The following THSD1 variants were observed in gnomAD, a reference collection of about 807,000 sequenced individuals.
THSD1 encodes the protein thrombospondin type-1 domain-containing protein 1.
Under a neutral mutation model 46.3 loss-of-function variants are expected in THSD1, and 34 were observed. The observed-to-expected ratio is 0.74, with a 90% CI of 0.56 to 0.98. The LOEUF is 0.98. Ranked by LOEUF, THSD1 falls within the 50% of genes least tolerant of loss-of-function variation. The probability of loss-of-function intolerance (pLI) is 0.00; values close to 1 mark genes in which losing one functional copy is unlikely to be tolerated. For missense variants in THSD1, 1,023 were observed against 1,058.3 expected, an observed-to-expected ratio of 0.97 and a Z score of 0.46; for synonymous variants, 407 against 416.5, an observed-to-expected ratio of 0.98 and a Z score of 0.28.
intron 2 of THSD1, among the ~76,000 whole-genome samples, chr13:52,401,251 G>A (rs1298523374): frequency 6.6e-6 from 1 of 152,018 alleles, no homozygotes; most frequent in East Asian, 1.9e-4. Flanking sequence ...GGGATTACAG[G>A]CGTGAGCCAC....
intron 4 of THSD1, among the ~76,000 whole-genome samples, chr13:52,383,837 G>A (rs982900649): frequency 1.3e-5 from 2 of 152,200 alleles, no homozygotes; most frequent in Non-Finnish European, 2.9e-5. Context: ...AGTAGGGGCA[G>A]GCAAGTCTGT....
intron 3 of THSD1, among the ~76,000 whole-genome samples, chr13:52,393,020 T>C (rs140610936): frequency 5.3e-5 from 8 of 152,112 alleles, no homozygotes; most frequent in African/African-American, 1.9e-4. Flanking sequence ...CTAAAAGCTT[T>C]GTACTGTTTA....
intron 3 of THSD1, among the ~76,000 whole-genome samples, chr13:52,391,822 C>T (rs1213417796): frequency 6.6e-6 from 1 of 151,822 alleles, no homozygotes; most frequent in Admixed American, 6.6e-5. Flanking sequence ...GGATTACAGG[C>T]GTGAGCCACC....
chr13:52,378,208 T>G lies in THSD1; in HGVS notation c.1762A>C (p.Lys588Gln). The G allele has an allele frequency of 6.2e-7, 1 of 1,614,216 alleles. No individual in the cohort carries two copies. The highest frequency in any genetic ancestry group is 1.1e-5 in the South Asian group (1 of 91,086). Residue 588 changes from lysine to glutamine, a missense_variant, in exon 5 of 5, where the codon AAA becomes CAA. By Grantham distance (53) the Lys-to-Gln change is moderately conservative. This residue lies in a region of THSD1 where 578 missense variants were observed against 497.4 expected (regional missense o/e 1.16). Transcript: ENST00000258613. ...GCGGGCTGCTCCGGAAATGGGGATT[T>G]GATCCGGAACTTGTTTGCTGCAGCT... is the stretch of plus-strand genomic sequence containing the variant. ...EEAAANKFRI[K>Q]SPFPEQPAVS...
intron 4 of THSD1, among the ~76,000 whole-genome samples, chr13:52,384,768 G>A (rs1366919812): frequency 6.6e-6 from 1 of 152,060 alleles, no homozygotes; most frequent in Non-Finnish European, 1.5e-5. Context: ...TTTGAGGGAA[G>A]TTATACACAA....
intron 1 of THSD1, 85 bp from the exon 2 acceptor site, chr13:52,402,766 A>T (rs557596370): frequency 7.1e-7 from 1 of 1,404,740 alleles, no homozygotes; most frequent in African/African-American, 1.4e-5. Context: ...CCATTCTAAA[A>T]CTCAAACTTT....
chr13:52,395,062 G>A (rs1297039253), intron 3 of THSD1, among the ~76,000 whole-genome samples: 1 of 152,144 alleles, frequency 6.6e-6, no homozygotes, highest in Non-Finnish European at 1.5e-5. Flanking sequence ...GTGCAGAGAT[G>A]GTGACTGCAG....
At chr13:52,402,237 CACTT>C (rs1322885545) in intron 2 of THSD1, among the ~76,000 whole-genome samples, 1 of 152,204 alleles carries the variant, frequency 6.6e-6, no homozygotes, top group African/African-American at 2.4e-5. Context: ...TGATTTATCA[CACTT>C]AATTACTGGG....
intron 1 of THSD1, among the ~76,000 whole-genome samples, chr13:52,403,635 C>G (rs1403829014): frequency 6.6e-6 from 1 of 152,140 alleles, no homozygotes; most frequent in Non-Finnish European, 1.5e-5. Flanking sequence ...GCGCCCACCA[C>G]CATGCCCAGC....
At position 52,388,500 on chromosome 13, in the gene THSD1, C is replaced by CA. The variant is rs201210310; in HGVS notation, c.1022-2315dup. Among the ~76,000 whole-genome samples the CA allele has an allele frequency of 6.8e-3, 1,040 of 152,278 alleles. 18 individuals are homozygous for CA. Among genetic ancestry groups the CA allele is most frequent in the African/African-American group, 0.024 (995 of 41,550 alleles). On this transcript the variant is annotated intron_variant, in intron 3 of 4. Coordinates refer to ENST00000258613, the MANE Select transcript of THSD1 (RefSeq NM_018676.4). ...ATTTGTTTTGTTTTTGTTTTTGAGACAGAGTTTCACTCTTGTTGCCCAGGA... is the reference window on the plus strand; with the variant it reads ...ATTTGTTTTGTTTTTGTTTTTGAGACAAGAGTTTCACTCTTGTTGCCCAGGA...
At chr13:52,398,273 T>C in intron 2 of THSD1, 79 bp from the exon 3 acceptor site, 2 of 1,515,440 alleles carry the variant, frequency 1.3e-6, no homozygotes, top group Admixed American at 4.4e-5. Context: ...AAAACAGAAT[T>C]TTTAAATTTT....
Position 52,377,695 on chromosome 13 carries a change from C to T in THSD1, c.2275G>A (p.Ala759Thr). The T allele has an allele frequency of 5.0e-6, 8 of 1,610,594 alleles. No homozygotes were observed. The highest frequency in any genetic ancestry group is 6.8e-6 in the Non-Finnish European group (8 of 1,177,434). The part of the protein sequence containing the change: ...AGIERTEPHR[A>T]RRGPSPSHKS... ...TGACTGGGGGACGGTCCCCGACGAGCTCTGTGGGGCTCTGTTCTCTCAATT... is the reference window on the plus strand; with the variant it reads ...TGACTGGGGGACGGTCCCCGACGAGTTCTGTGGGGCTCTGTTCTCTCAATT... Residue 759 changes from alanine (A) to threonine (T), a missense_variant, in exon 5 of 5, where the codon GCT becomes ACT. Transcript: ENST00000258613.
Position 52,388,181 on chromosome 13 carries a change from T to TA in THSD1, c.1022-1996dup, listed in dbSNP as rs527728680. ...CTGAAAGAAAAAGCTACCACCCCAG[T>TA]AAAAAAAAAAATATATATGTATATA... On this transcript the variant is annotated intron_variant, in intron 3 of 4. Transcript: ENST00000258613. Among the ~76,000 whole-genome samples the TA allele has an allele frequency of 6.4e-3, 878 of 137,382 alleles. 4 individuals are homozygous for TA. The highest frequency in any genetic ancestry group is 0.022 in the African/African-American group (808 of 36,720). The allele number at this position is 137,382 out of a possible 152,430, so 90.1% of individuals were successfully genotyped here. A position where few individuals can be genotyped will look rare whatever the true frequency, so the allele number is the denominator to read the frequency against.
intron 3 of THSD1, among the ~76,000 whole-genome samples, chr13:52,389,863 T>A (rs1171806279): frequency 6.6e-6 from 1 of 151,880 alleles, no homozygotes; most frequent in Non-Finnish European, 1.5e-5. Flanking sequence ...ATTCTGGTAG[T>A]CATGGTGGTG....
At chr13:52,402,224 A>C (rs537137727) in intron 2 of THSD1, among the ~76,000 whole-genome samples, 1 of 152,372 alleles carries the variant, frequency 6.6e-6, no homozygotes, top group African/African-American at 2.4e-5. Context: ...TGTGTGTATG[A>C]AGTGATTTAT....
At chr13:52,405,676 T>G (rs1485568918) in intron 1 of THSD1, among the ~76,000 whole-genome samples, 1 of 152,222 alleles carries the variant, frequency 6.6e-6, no homozygotes, top group Non-Finnish European at 1.5e-5. Flanking sequence ...TTAATTTAAT[T>G]TAATCCTTGT....
rs1386620757 is a variant in THSD1, at chr13:52,377,862, T to TG, written c.2107dup (p.His703ProfsTer5). On this transcript the variant is annotated frameshift_variant, in exon 5 of 5. Transcript: ENST00000258613. LOFTEE classifies it high-confidence loss of function. ...ATGCTCCAGTTTTTCAGGAAACAGG[T>TG]GGGCACCTCGACTCTGAGGCCTAAA... The TG allele has an allele frequency of 6.2e-7, 1 of 1,614,190 alleles. No individual in the cohort carries two copies. Among genetic ancestry groups the TG allele is most frequent in the South Asian group, 1.1e-5 (1 of 91,084 alleles).
chr13:52,404,568 G>C (rs1957892199), intron 1 of THSD1, among the ~76,000 whole-genome samples: 1 of 152,194 alleles, frequency 6.6e-6, no homozygotes, highest in Non-Finnish European at 1.5e-5. Flanking sequence ...ATTAGCCACA[G>C]ACTTGACCCA....
At chr13:52,379,686 G>C (rs59764165) in intron 4 of THSD1, among the ~76,000 whole-genome samples, 1 of 151,912 alleles carries the variant, frequency 6.6e-6, no homozygotes, top group Admixed American at 6.6e-5. Flanking sequence ...TGTTGGCCAG[G>C]ATGGTCTTGA....
Sources: allele counts gnomAD v4.1 joint callset (sites outside exome capture counted in the v4.1 genomes callset), GRCh38; gene constraint gnomAD v4.1.1; regional missense constraint gnomAD v4.1.1; transcripts MANE v1.5; gene names NCBI Gene and HGNC (gene_info 2026-07-23, HGNC 2026-07-21).